The following ADGRL2 variants were observed in gnomAD, a reference collection of about 807,000 sequenced individuals.
ADGRL2 encodes the protein adhesion G protein-coupled receptor L2.
Under a neutral mutation model 157.4 loss-of-function variants are expected in ADGRL2, and 44 were observed. The ratio of observed to expected loss-of-function variants is 0.28; its 90% CI spans 0.22 to 0.36. ADGRL2 has a LOEUF of 0.36. Among genes scored for constraint, ADGRL2 ranks in the 10% least tolerant of loss-of-function variants. The pLI, the probability that ADGRL2 is intolerant of heterozygous loss-of-function variation, is 1.00. For synonymous variants in ADGRL2, 585 were observed against 624.7 expected (o/e 0.94, Z 0.95); for missense variants, 1,510 against 1,768.9 (o/e 0.85, Z 2.63).
chr1:81,910,005 C>T lies in ADGRL2; in HGVS notation c.287+2775C>T, dbSNP rs556191948. ...CTGTAATCCCAGCACTTTGCGAGGC[C>T]GAGGCAGGTGGATCACCTGAGTTCA... On this transcript the variant is annotated intron_variant, in intron 3 of 23. Transcript: ENST00000686636. 2.0e-3 allele frequency among the ~76,000 whole-genome samples: 308 copies of T among 151,888 alleles called. 1 individual carries two copies. Among genetic ancestry groups the T allele is most frequent in the African/African-American group, 7.2e-3 (299 of 41,420 alleles).
chr1:81,520,936 C>T (rs991958485), intron 2 of ADGRL2, among the ~76,000 whole-genome samples: 2 of 152,194 alleles, frequency 1.3e-5, no homozygotes, highest in Non-Finnish European at 2.9e-5. Flanking sequence ...AATACGGCTA[C>T]TTGATTTCCA....
chr1:81,956,030 A>G lies in ADGRL2; in HGVS notation c.1987A>G (p.Thr663Ala), dbSNP rs1653405877. ...FVLADNLLEP[T>A]RVSMPTENIV... ...CCTAGCTGACAATCTTTTAGAACCA[A>G]CAAGGGTCTCAATGCCCACAGAAAA... Residue 663 changes from threonine to alanine, a missense_variant, in exon 11 of 24, where the codon ACA (threonine) becomes GCA (alanine). Physicochemically the swap from Thr to Ala is moderately conservative, Grantham distance 58. Around this residue, in one of 4 missense-constraint regions of ADGRL2, gnomAD observed 325 missense variants for 333.2 expected, o/e 0.98. Transcript: ENST00000686636. 1.2e-6 allele frequency: 2 copies of G among 1,605,656 alleles called. No homozygotes were observed. The highest frequency in any genetic ancestry group is 1.7e-6 in the Non-Finnish European group (2 of 1,177,078).
At chr1:81,988,546 A>G (rs1663844627) in intron 23 of ADGRL2, 1 of 152,172 alleles carries the variant, frequency 6.6e-6, no homozygotes, top group African/African-American at 2.4e-5. Context: ...ACCAAGTTAA[A>G]GGAAGCCTTA....
intron 3 of ADGRL2, among the ~76,000 whole-genome samples, chr1:81,914,764 A>G (rs2148481092): frequency 6.6e-6 from 1 of 152,290 alleles, no homozygotes; most frequent in East Asian, 1.9e-4. Context: ...TATTACAAGC[A>G]CATCTCTGTG....
At chr1:81,547,271 T>C (rs914344691) in intron 2 of ADGRL2, among the ~76,000 whole-genome samples, 1 of 152,214 alleles carries the variant, frequency 6.6e-6, no homozygotes, top group African/African-American at 2.4e-5. Flanking sequence ...AATTTAATTT[T>C]ATGTAAAACC....
intron 3 of ADGRL2, among the ~76,000 whole-genome samples, chr1:81,646,604 C>T (rs538529342): frequency 6.6e-6 from 1 of 152,092 alleles, no homozygotes; most frequent in African/African-American, 2.4e-5. Context: ...TTAACAGGAG[C>T]CATAGTGAGG....
intron 1 of ADGRL2, among the ~76,000 whole-genome samples, chr1:81,710,702 T>C (rs922863315): frequency 6.7e-6 from 1 of 150,094 alleles, no homozygotes; most frequent in African/African-American, 2.5e-5. Flanking sequence ...GAAATTAAAA[T>C]GAGAAATTTA....
At chr1:81,569,691 T>C (rs1324374) in intron 2 of ADGRL2, among the ~76,000 whole-genome samples, 2,164 of 152,224 alleles carry the variant, frequency 0.014, 62 homozygotes, top group African/African-American at 0.05. Context: ...ACATCTGTAG[T>C]CCCAACTACT....
At chr1:81,960,900 C>T (rs752370602) in intron 11 of ADGRL2, among the ~76,000 whole-genome samples, 3 of 152,200 alleles carry the variant, frequency 2.0e-5, no homozygotes, top group Non-Finnish European at 2.9e-5. Context: ...CTCCTTCCTG[C>T]TGCATAATTG....
intron 2 of ADGRL2, among the ~76,000 whole-genome samples, chr1:81,554,191 T>A (rs1351145614): frequency 1.3e-5 from 2 of 152,208 alleles, no homozygotes; most frequent in Non-Finnish European, 2.9e-5. Flanking sequence ...TAATGATTGG[T>A]TCCAGGAGAC....
intron 3 of ADGRL2, among the ~76,000 whole-genome samples, chr1:81,608,057 C>A (rs1029543112): frequency 2.0e-5 from 3 of 152,200 alleles, no homozygotes; most frequent in African/African-American, 7.2e-5. Context: ...TTAGGCTGAT[C>A]TTTAAAAGGA....
chr1:81,865,469 T>G (rs1286127420), intron 2 of ADGRL2, among the ~76,000 whole-genome samples: 1 of 152,238 alleles, frequency 6.6e-6, no homozygotes, highest in African/African-American at 2.4e-5. Context: ...TTTTTAAAAA[T>G]ATCCTCTTCA....
Position 81,991,319 on chromosome 1 carries a change from A to C in ADGRL2, c.*174A>C. On this transcript the variant is annotated 3_prime_UTR_variant, in exon 24 of 24. Coordinates refer to ENST00000686636, the MANE Select transcript of ADGRL2 (RefSeq NM_001366006.2). ...TTCTGTGAATTTTTATAAAACATACAAAAACTTTGTATATACACAGAGTAT... is the reference window on the plus strand; with the variant it reads ...TTCTGTGAATTTTTATAAAACATACCAAAACTTTGTATATACACAGAGTAT... 1 of 563,994 alleles carries C rather than the reference A, an allele frequency of 1.8e-6. No homozygotes were observed. The allele number at this position is 563,994 out of a possible 1,614,324, so 34.9% of individuals were successfully genotyped here.
chr1:81,937,257 G>A (rs2148868444), intron 4 of ADGRL2, among the ~76,000 whole-genome samples: 1 of 151,982 alleles, frequency 6.6e-6, no homozygotes, highest in Non-Finnish European at 1.5e-5. Context: ...CTGGGTAAAA[G>A]CTACCATTGC....
At chr1:81,966,700 C>T in intron 13 of ADGRL2, 91 bp downstream of exon 13, 1 of 1,082,714 alleles carries the variant, frequency 9.2e-7, no homozygotes. Flanking sequence ...GGGGAGAGAA[C>T]TGGGGAGATG....
At position 81,601,716 on chromosome 1, in the gene ADGRL2, G is replaced by A. The variant is rs1452293163; in HGVS notation, c.-143+20736G>A. ...GGCCAATTTCTTCCCAGTTAATAACGTCCTCCACAGATTTTCCCTCAGATG... is the reference window on the plus strand; with the variant it reads ...GGCCAATTTCTTCCCAGTTAATAACATCCTCCACAGATTTTCCCTCAGATG... On this transcript the variant is annotated intron_variant, in intron 3 of 24. Transcript: ENST00000370721. 5.9e-5 allele frequency among the ~76,000 whole-genome samples: 9 copies of A among 152,142 alleles called. No homozygotes were observed. In the East Asian group the frequency reaches 9.7e-4, roughly 16 times the overall value.
intron 3 of ADGRL2, among the ~76,000 whole-genome samples, chr1:81,614,902 A>C (rs1224479216): frequency 6.6e-6 from 1 of 151,962 alleles, no homozygotes; most frequent in Non-Finnish European, 1.5e-5. Flanking sequence ...AGTCCCAGCT[A>C]TTCAGGAGGC....
At chr1:81,535,406 TATGTGTGTGTGA>T (rs1218040816) in intron 2 of ADGRL2, among the ~76,000 whole-genome samples, 1 of 152,162 alleles carries the variant, frequency 6.6e-6, no homozygotes, top group Non-Finnish European at 1.5e-5. Flanking sequence ...TGTGTGTGTG[TATGTGTGTGTGA>T]ATGTGTGTGT....
intron 3 of ADGRL2, among the ~76,000 whole-genome samples, chr1:81,581,874 G>A (rs7513414): frequency 0.066 from 5,522 of 83,526 alleles, 231 homozygotes; most frequent in African/African-American, 0.1. Context: ...ACACATGCGC[G>A]CACACACACA....
Sources: allele counts gnomAD v4.1 joint callset (sites outside exome capture counted in the v4.1 genomes callset), GRCh38; gene constraint gnomAD v4.1.1; regional missense constraint gnomAD v4.1.1; transcripts MANE v1.5; gene names NCBI Gene and HGNC (gene_info 2026-07-23, HGNC 2026-07-21).